MYT1L: variants seen among roughly 807,000 people sequenced by gnomAD.
MYT1L encodes the protein myelin transcription factor 1 like, also known as myelin transcription factor 1-like protein.
MYT1L carries 12 observed loss-of-function variants against 126.7 expected under a neutral mutation model. The ratio of observed to expected loss-of-function variants is 0.09; its 90% CI spans 0.06 to 0.15. The LOEUF is 0.15. Among genes scored for constraint, MYT1L ranks in the 10% least tolerant of loss-of-function variants. The probability of loss-of-function intolerance (pLI) is 1.00; values close to 1 mark genes in which losing one functional copy is unlikely to be tolerated. For missense variants in MYT1L, 979 were observed against 1,585.2 expected (o/e 0.62, Z 6.49); for synonymous variants, 541 against 604.2 (o/e 0.90, Z 1.53).
intron 3 of MYT1L, among the ~76,000 whole-genome samples, chr2:2,107,377 CTG>C (rs1491199810): frequency 1.3e-5 from 2 of 152,208 alleles, no homozygotes; most frequent in African/African-American, 4.8e-5. Context: ...TGCATATTGG[CTG>C]TGTCTGCTTT....
intron 2 of MYT1L, among the ~76,000 whole-genome samples, chr2:2,246,763 G>A (rs773761594): frequency 1.3e-4 from 20 of 152,218 alleles, no homozygotes; most frequent in Non-Finnish European, 2.4e-4. Flanking sequence ...ATCTGAAGAT[G>A]AGTGCTAATT....
At position 2,016,280 on chromosome 2, in the gene MYT1L, A is replaced by T. The variant is rs181302208; in HGVS notation, c.-157-18933T>A. On this transcript the variant is annotated intron_variant, in intron 4 of 24. Coordinates refer to ENST00000647738, the MANE Select transcript of MYT1L (RefSeq NM_001303052.2). ...CAGGGGAGAGAGGCATTCAGACACCAGAACACAGAGCAAGAAGATGGAGAG... is the reference window on the plus strand; with the variant it reads ...CAGGGGAGAGAGGCATTCAGACACCTGAACACAGAGCAAGAAGATGGAGAG... 4.8e-4 allele frequency among the ~76,000 whole-genome samples: 73 copies of T among 152,354 alleles called. 1 individual carries two copies. The highest frequency in any genetic ancestry group is 1.7e-3 in the African/African-American group (72 of 41,592).
chr2:2,299,702 T>G (rs888734851), intron 1 of MYT1L, among the ~76,000 whole-genome samples: 1 of 152,224 alleles, frequency 6.6e-6, no homozygotes, highest in Non-Finnish European at 1.5e-5. Context: ...ATGTTTTTCT[T>G]CAGCTCTGCT....
chr2:2,300,500 A>G (rs1449535971), intron 1 of MYT1L, among the ~76,000 whole-genome samples: 1 of 152,182 alleles, frequency 6.6e-6, no homozygotes, highest in African/African-American at 2.4e-5. Context: ...TTTACATCTC[A>G]TTAGTGTGAG....
intron 21 of MYT1L, among the ~76,000 whole-genome samples, chr2:1,817,942 C>T (rs376916168): frequency 6.6e-6 from 1 of 152,190 alleles, no homozygotes. Context: ...GGGGAGGTTC[C>T]GGGCAGCAAG....
intron 5 of MYT1L, among the ~76,000 whole-genome samples, chr2:1,982,510 A>G (rs1316501198): frequency 6.6e-6 from 1 of 152,252 alleles, no homozygotes; most frequent in Admixed American, 6.5e-5. Context: ...TAGGAAGAAG[A>G]AAGAAATTTC....
intron 8 of MYT1L, among the ~76,000 whole-genome samples, chr2:1,958,522 C>T (rs1425016670): frequency 2.0e-5 from 3 of 152,338 alleles, no homozygotes; most frequent in East Asian, 1.9e-4. Context: ...GATCCTCAAG[C>T]GGCCTCAGCT....
chr2:1,912,183 C>A lies in MYT1L; in HGVS notation c.1619-73G>T. ...CGGTTAGGGCACATGAAAATGCAGTCATTTAACAAAGGCCAGGTCGCTCAT... is the reference window on the plus strand; with the variant it reads ...CGGTTAGGGCACATGAAAATGCAGTAATTTAACAAAGGCCAGGTCGCTCAT... On this transcript the variant is annotated intron_variant, in intron 11 of 24. Transcript: ENST00000647738. The surrounding 1 kb of genome is among the most constrained non-coding windows in gnomAD (Gnocchi z 4.3). 1 of 1,117,636 alleles carries A rather than the reference C, an allele frequency of 8.9e-7. No homozygotes were observed. The highest frequency in any genetic ancestry group is 1.8e-5 in the South Asian group (1 of 56,678). The allele number at this position is 1,117,636 out of a possible 1,614,324, so 69.2% of individuals were successfully genotyped here. A position where few individuals can be genotyped will look rare whatever the true frequency, so the allele number is the denominator to read the frequency against.
At chr2:2,286,940 G>A (rs963432123) in intron 1 of MYT1L, among the ~76,000 whole-genome samples, 2 of 152,330 alleles carry the variant, frequency 1.3e-5, no homozygotes, top group African/African-American at 4.8e-5. Flanking sequence ...TCACCTGAGA[G>A]AGGGAGACAC....
intron 2 of MYT1L, among the ~76,000 whole-genome samples, chr2:2,183,410 GAGA>G (rs924746359): frequency 2.0e-5 from 3 of 152,188 alleles, no homozygotes; most frequent in African/African-American, 7.2e-5. Context: ...GGTAGGAAGA[GAGA>G]AGGAGCCTGG....
intron 3 of MYT1L, among the ~76,000 whole-genome samples, chr2:2,124,068 G>A (rs1386614508): frequency 1.3e-5 from 2 of 152,184 alleles, no homozygotes; most frequent in Non-Finnish European, 2.9e-5. Context: ...TGTTACCGCA[G>A]ATGTAGGCAA....
At chr2:2,198,306 C>T (rs1476030974) in intron 2 of MYT1L, among the ~76,000 whole-genome samples, 2 of 151,880 alleles carry the variant, frequency 1.3e-5, no homozygotes, top group African/African-American at 2.4e-5. Context: ...CCAACCAGTA[C>T]CAAGTTACAG....
chr2:1,918,437 G>A (rs1261695419), intron 10 of MYT1L, among the ~76,000 whole-genome samples: 2 of 152,128 alleles, frequency 1.3e-5, no homozygotes, highest in Non-Finnish European at 2.9e-5. Flanking sequence ...TTAGGGATTA[G>A]TTCTTTTTGA....
chr2:2,098,723 A>G (rs777533673), intron 3 of MYT1L, among the ~76,000 whole-genome samples: 3 of 152,184 alleles, frequency 2.0e-5, no homozygotes, highest in African/African-American at 2.4e-5. Flanking sequence ...AGAAACACAA[A>G]CATTGATGTG....
intron 9 of MYT1L, among the ~76,000 whole-genome samples, chr2:1,927,711 C>T (rs2054420076): frequency 6.6e-6 from 1 of 152,156 alleles, no homozygotes; most frequent in Non-Finnish European, 1.5e-5. Flanking sequence ...CTAGACTTCC[C>T]CGGGTCGGAG....
rs1277340376 is a variant in MYT1L, at chr2:1,889,384, G to A, written c.2377C>T (p.Leu793=). 12 of 1,613,960 alleles carry A rather than the reference G, an allele frequency of 7.4e-6. No homozygotes were observed. The part of the protein sequence containing the change: ...RDSCCPILTP[L]EPMSPQQQAV... ...TGCTGCTGGGGGGACATGGGCTCCA[G>A]AGGGGTCAGGATGGGGCAGCAGCTG... Residue 793 remains leucine (L), a synonymous_variant, in exon 16 of 25, where the codon CTG becomes TTG. Coordinates refer to ENST00000647738, the MANE Select transcript of MYT1L (RefSeq NM_001303052.2). This position sits in a 1 kb window ranked among gnomAD's most constrained non-coding sequence, Gnocchi z 4.1.
intron 9 of MYT1L, among the ~76,000 whole-genome samples, chr2:1,939,949 T>C (rs1363551701): frequency 3.9e-5 from 6 of 152,250 alleles, no homozygotes; most frequent in African/African-American, 1.4e-4. Context: ...GAGAAATGCA[T>C]TTGTTTGCCT....
intron 3 of MYT1L, among the ~76,000 whole-genome samples, chr2:2,128,973 T>A (rs886830711): frequency 6.6e-6 from 1 of 152,220 alleles, no homozygotes; most frequent in Non-Finnish European, 1.5e-5. Flanking sequence ...GAAGAGAGAC[T>A]CTTCCAAGGA....
intron 2 of MYT1L, among the ~76,000 whole-genome samples, chr2:2,247,486 A>G (rs904301103): frequency 6.6e-6 from 1 of 152,196 alleles, no homozygotes; most frequent in African/African-American, 2.4e-5. Context: ...CAGGCCGAAA[A>G]TTAACAAAGC....
Sources: allele counts gnomAD v4.1 joint callset (sites outside exome capture counted in the v4.1 genomes callset), GRCh38; gene constraint gnomAD v4.1.1; non-coding constraint Gnocchi (gnomAD v3.1); transcripts MANE v1.5; gene names NCBI Gene and HGNC (gene_info 2026-07-23, HGNC 2026-07-21).